The following TSPAN18 variants were observed in gnomAD, a reference collection of about 807,000 sequenced individuals.
The protein encoded by TSPAN18 is tetraspanin 18, also known as tetraspanin-18.
In TSPAN18, 14 loss-of-function variants were observed where a neutral mutation model predicts 27.3. The ratio of observed to expected loss-of-function variants is 0.51; its 90% CI spans 0.34 to 0.80. The LOEUF is 0.80. Ranked by LOEUF, TSPAN18 falls within the 30% of genes least tolerant of loss-of-function variation. The pLI, the probability that TSPAN18 is intolerant of heterozygous loss-of-function variation, is 0.01. For synonymous variants in TSPAN18, 143 were observed against 136.5 expected (o/e 1.05, Z -0.33); for missense variants, 268 against 323.9 (o/e 0.83, Z 1.32).
At chr11:44,856,673 A>C (rs1857747446) in intron 2 of TSPAN18, among the ~76,000 whole-genome samples, 1 of 152,114 alleles carries the variant, frequency 6.6e-6, no homozygotes, top group South Asian at 2.1e-4. Context: ...GGTATATAGC[A>C]AGTGTTCAAT....
At position 44,887,729 on chromosome 11, in the gene TSPAN18, A is replaced by C. The variant is rs138606549; in HGVS notation, c.-10-18678A>C. Among the ~76,000 whole-genome samples the C allele has an allele frequency of 1.0e-3, 159 of 152,084 alleles. 2 individuals carry two copies. The highest frequency in any genetic ancestry group is 3.6e-3 in the African/African-American group (151 of 41,466). ...ACCTGCTTTATCCTGTCTGACACTA[A>C]ATGCACCAAGGAAAGCCGGAAGCTC... On this transcript the variant is annotated intron_variant, in intron 3 of 9. Transcript: ENST00000520358.
intron 2 of TSPAN18, among the ~76,000 whole-genome samples, chr11:44,788,649 A>G (rs555087448): frequency 2.1e-4 from 32 of 152,040 alleles, no homozygotes; most frequent in Non-Finnish European, 4.1e-4. Context: ...GGGTTTCACC[A>G]TGTTGGCCAG....
At chr11:44,806,881 A>AT (rs1856604469) in intron 2 of TSPAN18, among the ~76,000 whole-genome samples, 1 of 152,130 alleles carries the variant, frequency 6.6e-6, no homozygotes. Context: ...ATGTCAGACA[A>AT]TTTTAGGTGG....
At chr11:44,804,831 G>A (rs1383075133) in intron 2 of TSPAN18, among the ~76,000 whole-genome samples, 4 of 152,092 alleles carry the variant, frequency 2.6e-5, no homozygotes, top group African/African-American at 9.7e-5. Context: ...AGAAGAAGGA[G>A]AAAGCAAGAG....
intron 2 of TSPAN18, among the ~76,000 whole-genome samples, chr11:44,848,596 G>T (rs1380493362): frequency 6.6e-6 from 1 of 152,218 alleles, no homozygotes; most frequent in Admixed American, 6.5e-5. Context: ...GAGTGAGGAG[G>T]GGGCGGGGGA....
At chr11:44,771,032 G>T (rs1305856588) in intron 2 of TSPAN18, among the ~76,000 whole-genome samples, 2 of 152,142 alleles carry the variant, frequency 1.3e-5, no homozygotes, top group Non-Finnish European at 2.9e-5. Context: ...CTGGGGTTCA[G>T]GGGTGAGGGT....
intron 1 of TSPAN18, among the ~76,000 whole-genome samples, chr11:44,743,745 CCTTA>C (rs1855004547): frequency 6.6e-6 from 1 of 152,178 alleles, no homozygotes; most frequent in African/African-American, 2.4e-5. Flanking sequence ...TGGAGTCCTG[CCTTA>C]CTTCCTGGTT....
intron 3 of TSPAN18, among the ~76,000 whole-genome samples, chr11:44,876,685 A>G (rs1018474711): frequency 6.6e-6 from 1 of 152,232 alleles, no homozygotes; most frequent in African/African-American, 2.4e-5. Flanking sequence ...TTTTAATTAC[A>G]TAAATAATAC....
At chr11:44,726,903 G>A (rs1341610839), upstream of TSPAN18, 10 of 127,764 alleles carry the variant, frequency 7.8e-5, no homozygotes, top group East Asian at 1.8e-3. Flanking sequence ...GGGAGGGAGG[G>A]CGGGGGAGGG....
At chr11:44,785,361 A>G (rs1201147368) in intron 2 of TSPAN18, among the ~76,000 whole-genome samples, 1 of 152,060 alleles carries the variant, frequency 6.6e-6, no homozygotes, top group Non-Finnish European at 1.5e-5. Flanking sequence ...ATTCATTTAT[A>G]TATTCGTTCG....
chr11:44,741,978 T>C (rs557314496), intron 1 of TSPAN18, among the ~76,000 whole-genome samples: 1 of 152,112 alleles, frequency 6.6e-6, no homozygotes, highest in Admixed American at 6.5e-5. Context: ...TTTTTCCATA[T>C]ACACACCAGA....
At chr11:44,823,423 G>A (rs12790857) in intron 2 of TSPAN18, among the ~76,000 whole-genome samples, 27,197 of 152,236 alleles carry the variant, frequency 0.18, 3,189 homozygotes, top group Non-Finnish European at 0.26. Context: ...CTCTCCTAGT[G>A]TGGCTGGGTC....
chr11:44,867,301 G>A (rs1231250775), intron 3 of TSPAN18, among the ~76,000 whole-genome samples: 2 of 150,074 alleles, frequency 1.3e-5, no homozygotes, highest in Admixed American at 1.3e-4. Context: ...GCAGTGGTCT[G>A]TCTAATACAC....
intron 3 of TSPAN18, among the ~76,000 whole-genome samples, chr11:44,876,073 A>G (rs1362437847): frequency 6.6e-6 from 1 of 152,124 alleles, no homozygotes; most frequent in Non-Finnish European, 1.5e-5. Context: ...GGTACCACTC[A>G]GACACAGCCT....
chr11:44,757,710 T>C (rs747461383), intron 1 of TSPAN18, among the ~76,000 whole-genome samples: 10 of 152,218 alleles, frequency 6.6e-5, no homozygotes, highest in Non-Finnish European at 1.0e-4. Context: ...TTGATTTGCA[T>C]TTCCTAATGT....
intron 2 of TSPAN18, among the ~76,000 whole-genome samples, chr11:44,781,434 C>G (rs753102235): frequency 3.3e-5 from 5 of 152,310 alleles, no homozygotes; most frequent in Middle Eastern, 3.4e-3. Context: ...GTTACCTTCT[C>G]GATGGCTGGG....
intron 1 of TSPAN18, among the ~76,000 whole-genome samples, chr11:44,731,472 C>T (rs770892495): frequency 3.9e-5 from 6 of 152,086 alleles, no homozygotes; most frequent in Non-Finnish European, 5.9e-5. Flanking sequence ...AGCATAATGC[C>T]TGGCATATAG....
intron 2 of TSPAN18, among the ~76,000 whole-genome samples, chr11:44,779,766 T>C (rs571705854): frequency 6.6e-6 from 1 of 152,286 alleles, no homozygotes; most frequent in African/African-American, 2.4e-5. Flanking sequence ...CCTATCCACA[T>C]GCCTGTGCAT....
intron 2 of TSPAN18, among the ~76,000 whole-genome samples, chr11:44,835,319 C>T (rs531356522): frequency 1.3e-5 from 2 of 152,332 alleles, no homozygotes; most frequent in Non-Finnish European, 1.5e-5. Flanking sequence ...AAGGTTAGGA[C>T]ATGAACCTGC....
Sources: allele counts gnomAD v4.1 joint callset (sites outside exome capture counted in the v4.1 genomes callset), GRCh38; gene constraint gnomAD v4.1.1; transcripts MANE v1.5; gene names NCBI Gene and HGNC (gene_info 2026-07-23, HGNC 2026-07-21).